The following ITGA9 variants were observed in gnomAD, a reference collection of about 807,000 sequenced individuals.
ITGA9 encodes the protein integrin alpha-9.
A neutral mutation model predicts 127.8 loss-of-function variants in ITGA9; 56 were observed. The observed-to-expected ratio is 0.44, with a 90% CI of 0.35 to 0.55. The LOEUF (loss-of-function observed/expected upper bound fraction) is 0.55. ITGA9 is among the 20% of genes least tolerant of loss of function. The pLI, the probability that ITGA9 is intolerant of heterozygous loss-of-function variation, is 0.00. For synonymous variants in ITGA9, 508 were observed against 514.5 expected (o/e 0.99, Z 0.17); for missense variants, 1,196 against 1,347.1 (o/e 0.89, Z 1.76).
chr3:37,779,004 T>G (rs1696942593), intron 24 of ITGA9, among the ~76,000 whole-genome samples: 1 of 152,194 alleles, frequency 6.6e-6, no homozygotes, highest in South Asian at 2.1e-4. Flanking sequence ...TTTTGCCGTA[T>G]AGATGAAACA....
intron 16 of ITGA9, among the ~76,000 whole-genome samples, chr3:37,647,454 T>G (rs879091229): frequency 1.4e-5 from 1 of 73,176 alleles, no homozygotes; most frequent in African/African-American, 7.2e-5. Flanking sequence ...CCTAACATAG[T>G]TTTTTTTTTT....
intron 24 of ITGA9, 46 bp downstream of exon 24, chr3:37,777,563 C>A: frequency 1.9e-6 from 3 of 1,598,576 alleles, no homozygotes; most frequent in South Asian, 1.1e-5. Flanking sequence ...GGTCCTCACT[C>A]GGAAGACACC....
rs775168184 is a variant in ITGA9 at position 37,506,041 on chromosome 3, A to T, written c.784A>T (p.Ile262Phe). The change falls in exon 7 of 28, where the codon ATT (isoleucine) becomes TTT (phenylalanine). Residue 262 changes from isoleucine to phenylalanine, a missense_variant. Physicochemically the swap from Ile to Phe is conservative, Grantham distance 21. Coordinates refer to ENST00000264741, the MANE Select transcript of ITGA9 (RefSeq NM_002207.3). Reference sequence around the variant, plus strand: ...TGGCCACTTCTCTCACCCGTCCACCATTGATGTGGTAGGAGGTGCCCCACA... The same window carrying T: ...TGGCCACTTCTCTCACCCGTCCACCTTTGATGTGGTAGGAGGTGCCCCACA... ...TAGHFSHPST[I>F]DVVGGAPQDK... is the part of the protein sequence containing the mutation. 13 of 1,610,274 alleles carry T rather than the reference A, an allele frequency of 8.1e-6. No individual in the cohort carries two copies. Among genetic ancestry groups the T allele is most frequent in the African/African-American group, 1.3e-5 (1 of 74,776 alleles).
chr3:37,787,894 C>T (rs1697060972), intron 26 of ITGA9, among the ~76,000 whole-genome samples: 1 of 152,218 alleles, frequency 6.6e-6, no homozygotes, highest in Non-Finnish European at 1.5e-5. Flanking sequence ...TTTTTAACCA[C>T]ATAACGTGTG....
At chr3:37,765,812 C>T (rs1696773426) in intron 23 of ITGA9, among the ~76,000 whole-genome samples, 2 of 152,202 alleles carry the variant, frequency 1.3e-5, no homozygotes, top group African/African-American at 2.4e-5. Context: ...TAAATCAAGC[C>T]AGCAGTGCTG....
At chr3:37,640,632 T>C (rs1211628414) in intron 16 of ITGA9, among the ~76,000 whole-genome samples, 1 of 152,198 alleles carries the variant, frequency 6.6e-6, no homozygotes, top group Non-Finnish European at 1.5e-5. Flanking sequence ...TGTGTTATTT[T>C]GAGCAGCTGA....
intron 15 of ITGA9, among the ~76,000 whole-genome samples, chr3:37,608,868 C>T (rs4678977): frequency 0.5 from 75,367 of 151,816 alleles, 19,644 homozygotes; most frequent in East Asian, 0.61. Context: ...TGTTATCTGT[C>T]TCAGGGAGGT....
intron 26 of ITGA9, among the ~76,000 whole-genome samples, chr3:37,787,694 G>A (rs1469520076): frequency 6.6e-6 from 1 of 152,156 alleles, no homozygotes; most frequent in Admixed American, 6.5e-5. Flanking sequence ...TCTTCCCTGC[G>A]TGATTCTTCT....
At chr3:37,474,666 T>C (rs1033500346) in intron 3 of ITGA9, among the ~76,000 whole-genome samples, 1 of 152,216 alleles carries the variant, frequency 6.6e-6, no homozygotes, top group Non-Finnish European at 1.5e-5. Flanking sequence ...GGCTTTCTCT[T>C]GCCCTTGACT....
chr3:37,795,754 C>G (rs552215998), intron 26 of ITGA9, among the ~76,000 whole-genome samples: 197 of 152,266 alleles, frequency 1.3e-3, no homozygotes, highest in African/African-American at 4.5e-3. Flanking sequence ...CAGCAGACTT[C>G]TCCTCCTCCT....
intron 23 of ITGA9, among the ~76,000 whole-genome samples, chr3:37,775,282 A>G (rs1696892751): frequency 6.6e-6 from 1 of 152,214 alleles, no homozygotes. Context: ...ATCACTGGTC[A>G]TTACAGAAAT....
chr3:37,669,258 A>G (rs142746991), intron 17 of ITGA9, among the ~76,000 whole-genome samples: 31 of 152,322 alleles, frequency 2.0e-4, no homozygotes, highest in Non-Finnish European at 3.8e-4. Context: ...TGGTCTGGAA[A>G]GTCACCCTTG....
chr3:37,655,446 A>G (rs570934642), intron 17 of ITGA9, among the ~76,000 whole-genome samples: 4 of 152,178 alleles, frequency 2.6e-5, no homozygotes, highest in African/African-American at 9.7e-5. Flanking sequence ...GTAATGACCA[A>G]TGATGATGAG....
At chr3:37,793,111 GATC>G (rs1327430678) in intron 26 of ITGA9, among the ~76,000 whole-genome samples, 20 of 152,038 alleles carry the variant, frequency 1.3e-4, no homozygotes, top group Admixed American at 1.2e-3. Context: ...TGATGAGTAT[GATC>G]ATCATCATTA....
intron 15 of ITGA9, among the ~76,000 whole-genome samples, chr3:37,600,435 A>G (rs1699911761): frequency 6.6e-6 from 1 of 152,114 alleles, no homozygotes; most frequent in Non-Finnish European, 1.5e-5. Context: ...ACTCGAGCCA[A>G]GGTGGCCTCT....
chr3:37,592,104 GTCTCTTTCATCCC>G (rs1699826588), intron 15 of ITGA9, among the ~76,000 whole-genome samples: 2 of 152,122 alleles, frequency 1.3e-5, no homozygotes, highest in African/African-American at 4.8e-5. Context: ...CCTCCAGCCT[GTCTCTTTCATCCC>G]TCTATGGACT....
At chr3:37,793,430 A>AGTG (rs2125557950) in intron 26 of ITGA9, among the ~76,000 whole-genome samples, 1 of 150,102 alleles carries the variant, frequency 6.7e-6, no homozygotes, top group South Asian at 2.1e-4. Context: ...ACACACACAC[A>AGTG]CACACACGTG....
intron 15 of ITGA9, among the ~76,000 whole-genome samples, chr3:37,572,359 C>A (rs941831323): frequency 6.6e-6 from 1 of 151,994 alleles, no homozygotes; most frequent in Admixed American, 6.6e-5. Flanking sequence ...GGAAAATGAC[C>A]GCAAGAAGGC....
intron 15 of ITGA9, among the ~76,000 whole-genome samples, chr3:37,599,285 C>G (rs1306522126): frequency 6.6e-6 from 1 of 152,124 alleles, no homozygotes; most frequent in Non-Finnish European, 1.5e-5. Context: ...CTGATTTTGG[C>G]TGGGCTCACT....
Sources: allele counts gnomAD v4.1 joint callset (sites outside exome capture counted in the v4.1 genomes callset), GRCh38; gene constraint gnomAD v4.1.1; transcripts MANE v1.5; gene names NCBI Gene and HGNC (gene_info 2026-07-23, HGNC 2026-07-21).